The following MYO19 variants were observed in gnomAD, a reference collection of about 807,000 sequenced individuals.
MYO19 encodes unconventional myosin-XIX.
MYO19 carries 132 observed loss-of-function variants against 129.2 expected under a neutral mutation model. The ratio of observed to expected loss-of-function variants is 1.02; its 90% confidence interval spans 0.89 to 1.18. The LOEUF (loss-of-function observed/expected upper bound fraction) is 1.18, where lower values mean the gene tolerates loss of function less well. MYO19 is among the 50% of genes most tolerant of loss of function. MYO19 has a pLI of 0.00. For synonymous variants in MYO19, 531 were observed against 477.2 expected, an observed-to-expected ratio of 1.11 and a Z score of -1.47; for missense variants, 1,210 against 1,216.7, an observed-to-expected ratio of 0.99 and a Z score of 0.08.
chr17:36,500,498 G>A lies in MYO19; in HGVS notation c.2377+332C>T, dbSNP rs919182281. ...AAATTCATTCCAGCCCTAGAGCCCA[G>A]CAGGTAATGGTTTGAGTTGTCATAA... On this transcript the variant is annotated intron_variant, in intron 23 of 25. Transcript: ENST00000614623. 2.1e-5 allele frequency: 6 copies of A among 285,350 alleles called. No individual in the cohort carries two copies. In the Admixed American group the frequency reaches 2.8e-4, roughly 13 times the overall value. The allele number at this position is 285,350 out of a possible 1,614,324, so 17.7% of individuals were successfully genotyped here.
chr17:36,532,322 C>G (rs1048213473), intron 3 of MYO19, among the ~76,000 whole-genome samples: 3 of 152,258 alleles, frequency 2.0e-5, no homozygotes, highest in Admixed American at 1.3e-4. Flanking sequence ...CCTTACCTAT[C>G]CCAAAGAAAG....
chr17:36,515,276 T>C, intron 7 of MYO19, 94 bp from the exon 8 acceptor site: 2 of 1,146,896 alleles, frequency 1.7e-6, no homozygotes, highest in Non-Finnish European at 2.5e-6. Context: ...CATGTTCCCG[T>C]GCTCAAGTCA....
intron 25 of MYO19, 129 bp from the exon 26 acceptor site, chr17:36,496,535 G>T: frequency 1.2e-6 from 1 of 803,878 alleles, no homozygotes; most frequent in South Asian, 1.8e-5. Flanking sequence ...GCCACAGCAG[G>T]ATTAAAATAG....
upstream of MYO19, chr17:36,535,366 C>CA (rs1239524040): frequency 1.3e-5 from 2 of 152,338 alleles, no homozygotes; most frequent in Non-Finnish European, 2.9e-5. Context: ...TGCACCAGCC[C>CA]AAAGGACATG....
At chr17:36,502,857 T>C in intron 21 of MYO19, 1 of 568,478 alleles carries the variant, frequency 1.8e-6, no homozygotes, top group South Asian at 2.2e-5. Flanking sequence ...TACTACCTCT[T>C]CCAGGAAGCC....
Position 36,495,691 on chromosome 17 carries a change from A to G in MYO19, c.*560T>C. 7.9e-7 allele frequency: 1 copy of G among 1,262,996 alleles called. No individual in the cohort carries two copies. Among genetic ancestry groups the G allele is most frequent in the Non-Finnish European group, 9.9e-7 (1 of 1,006,422 alleles). The allele number at this position is 1,262,996 out of a possible 1,614,324, so 78.2% of individuals were successfully genotyped here. On this transcript the variant is annotated 3_prime_UTR_variant, in exon 26 of 26. Coordinates refer to ENST00000614623, the MANE Select transcript of MYO19 (RefSeq NM_001163735.2). ...TTGATAGACATCATAAACGATATCA[A>G]GCTTACACTTCATATGGAGTTAAAC...
At chr17:36,541,272 G>A (rs2074196761) in intron 2 of MYO19, among the ~76,000 whole-genome samples, 1 of 152,148 alleles carries the variant, frequency 6.6e-6, no homozygotes, top group South Asian at 2.1e-4. Flanking sequence ...ATTATAAACT[G>A]GGGATGTCTA....
chr17:36,500,555 G>A, intron 23 of MYO19: 1 of 433,424 alleles, frequency 2.3e-6, no homozygotes, highest in Non-Finnish European at 4.1e-6. Context: ...ACAGCTGTCA[G>A]GGTCTGAGAA....
chr17:36,496,919 T>TA (rs1205987236), intron 25 of MYO19, among the ~76,000 whole-genome samples: 1 of 152,154 alleles, frequency 6.6e-6, no homozygotes, highest in Non-Finnish European at 1.5e-5. Flanking sequence ...CAGTGCAACA[T>TA]ACTTTCACCT....
intron 9 of MYO19, among the ~76,000 whole-genome samples, chr17:36,514,217 T>C (rs1397838192): frequency 6.6e-6 from 1 of 152,170 alleles, no homozygotes; most frequent in Non-Finnish European, 1.5e-5. Flanking sequence ...AAGGACCTTC[T>C]GGTCTGATGG....
chr17:36,511,492 G>A (rs2072321703), intron 11 of MYO19, 37 bp from the exon 12 acceptor site: 2 of 1,535,730 alleles, frequency 1.3e-6, no homozygotes. Context: ...AGTAGGAGAG[G>A]GCGTGACGTG....
At chr17:36,523,744 G>C (rs2073292153) in intron 6 of MYO19, among the ~76,000 whole-genome samples, 1 of 152,084 alleles carries the variant, frequency 6.6e-6, no homozygotes, top group African/African-American at 2.4e-5. Flanking sequence ...AGGGAAATAA[G>C]GGTTAAATCC....
At chr17:36,537,984 C>T (rs367592728), upstream of MYO19, 47 of 1,613,862 alleles carry the variant, frequency 2.9e-5, no homozygotes, top group African/African-American at 2.8e-4. Context: ...TAGTGGCACA[C>T]GGGTTGGTCT....
chr17:36,542,387 A>G (rs2074201529), intron 1 of MYO19: 1 of 152,152 alleles, frequency 6.6e-6, no homozygotes, highest in Non-Finnish European at 1.5e-5. Context: ...TTCTTTACCA[A>G]CCAGAATCCT....
chr17:36,530,212 T>A (rs2073744580), intron 3 of MYO19, among the ~76,000 whole-genome samples: 1 of 152,186 alleles, frequency 6.6e-6, no homozygotes, highest in Non-Finnish European at 1.5e-5. Context: ...TTCTAGAGGC[T>A]GAGGCAGGAG....
Position 36,528,193 on chromosome 17 carries a change from G to A in MYO19, c.22C>T (p.His8Tyr), listed in dbSNP as rs893965454. The A allele has an allele frequency of 3.2e-6, 5 of 1,581,580 alleles. No homozygotes were observed. The African/African-American group carries it at 5.4e-5, about 17-fold the overall frequency. The change falls in exon 4 of 26, where the codon CAC (histidine) becomes TAC (tyrosine). Residue 8 changes from histidine (H) to tyrosine (Y), a missense_variant. Physicochemically the swap from His to Tyr is moderately conservative, Grantham distance 83. Coordinates refer to ENST00000614623, the MANE Select transcript of MYO19 (RefSeq NM_001163735.2). MLQQVNG[H>Y]NPGSDGQARE... ...GCTTGGCCATCAGACCCCGGATTGT[G>A]GCCATTGACCTGGAAGAGATAACGT... is the stretch of plus-strand genomic sequence containing the variant.
intron 5 of MYO19, among the ~76,000 whole-genome samples, chr17:36,526,624 T>G (rs1158711514): frequency 6.6e-6 from 1 of 152,232 alleles, no homozygotes; most frequent in Non-Finnish European, 1.5e-5. Flanking sequence ...CAGTGGCTCA[T>G]GCCTATAATC....
At chr17:36,537,045 C>T, upstream of MYO19, 3 of 1,476,540 alleles carry the variant, frequency 2.0e-6, no homozygotes, top group South Asian at 4.0e-5. Flanking sequence ...GCTAATTACA[C>T]AAGAATGCTG....
At chr17:36,508,159 C>T (rs938810367) in intron 14 of MYO19, 11 of 382,030 alleles carry the variant, frequency 2.9e-5, no homozygotes, top group African/African-American at 8.2e-5. Context: ...GCAGGAAACC[C>T]AAATGAAGTG....
Sources: allele counts gnomAD v4.1 joint callset (sites outside exome capture counted in the v4.1 genomes callset), GRCh38; gene constraint gnomAD v4.1.1; transcripts MANE v1.5; gene names NCBI Gene and HGNC (gene_info 2026-07-23, HGNC 2026-07-21).